SYT1: variants seen among roughly 807,000 people sequenced by gnomAD.
SYT1 encodes synaptotagmin-1.
Under a neutral mutation model 44.8 loss-of-function variants are expected in SYT1, and 8 were observed. The observed-to-expected ratio is 0.18, with a 90% CI of 0.10 to 0.32. SYT1 has a LOEUF of 0.32. Among genes scored for constraint, SYT1 ranks in the 10% least tolerant of loss-of-function variants. The pLI is 1.00. For missense variants in SYT1, 286 were observed against 509.3 expected (o/e 0.56, Z 4.22); for synonymous variants, 154 against 188.8 (o/e 0.82, Z 1.51).
At chr12:79,291,845 TA>T in intron 5 of SYT1, 162 bp from the exon 6 acceptor site, 2 of 932,254 alleles carry the variant, frequency 2.1e-6, no homozygotes, top group Non-Finnish European at 1.7e-6. Flanking sequence ...AAAAGGAATT[TA>T]AAAAATATGT....
chr12:78,931,809 T>A (rs763222599), intron 1 of SYT1, among the ~76,000 whole-genome samples: 5 of 152,154 alleles, frequency 3.3e-5, no homozygotes, highest in Non-Finnish European at 5.9e-5. Context: ...AGTGTGCCTG[T>A]CATGCAGATG....
intron 1 of SYT1, among the ~76,000 whole-genome samples, chr12:78,933,320 T>TA (rs1476130762): frequency 6.6e-6 from 1 of 152,116 alleles, no homozygotes; most frequent in East Asian, 1.9e-4. Flanking sequence ...AAGAAACTCT[T>TA]ACCAGAGGAA....
At chr12:79,053,884 A>G (rs1874730862) in intron 3 of SYT1, among the ~76,000 whole-genome samples, 1 of 151,950 alleles carries the variant, frequency 6.6e-6, no homozygotes, top group South Asian at 2.1e-4. Flanking sequence ...CAGAAAAAAA[A>G]TTCTCTTTTT....
At chr12:79,154,877 C>T (rs1185765150) in intron 3 of SYT1, among the ~76,000 whole-genome samples, 1 of 152,090 alleles carries the variant, frequency 6.6e-6, no homozygotes, top group African/African-American at 2.4e-5. Context: ...AGGCATATTG[C>T]ACCACTTAGA....
intron 9 of SYT1, among the ~76,000 whole-genome samples, chr12:79,420,408 G>A (rs933417502): frequency 1.3e-5 from 2 of 152,026 alleles, no homozygotes; most frequent in African/African-American, 4.8e-5. Context: ...CAGTTTATGG[G>A]TCCCTCCCTT....
chr12:79,089,948 C>T (rs1292350322), intron 3 of SYT1, among the ~76,000 whole-genome samples: 1 of 151,956 alleles, frequency 6.6e-6, no homozygotes, highest in East Asian at 1.9e-4. Flanking sequence ...TTGATTGCTC[C>T]CCATGTGATT....
chr12:78,934,787 G>A (rs936540831), intron 1 of SYT1, among the ~76,000 whole-genome samples: 2 of 152,158 alleles, frequency 1.3e-5, no homozygotes, highest in Admixed American at 6.5e-5. Context: ...TCTAAAGAAT[G>A]TGGCATATAA....
chr12:79,165,406 C>G (rs558100204), intron 3 of SYT1, among the ~76,000 whole-genome samples: 16 of 152,020 alleles, frequency 1.1e-4, no homozygotes, highest in African/African-American at 3.4e-4. Context: ...AGATTTAGAA[C>G]AGTGTTGCAA....
In SYT1 at chr12:78,955,800, TTGTG is replaced by T. The variant is rs60111282; in HGVS notation, c.-216-21964_-216-21961del. ...TGCGTTTTATTTTCTGCCAAGATAT[TTGTG>T]TGTGTGTGTGTGTGTGTGTGTGTGT... On this transcript the variant is annotated intron_variant, in intron 1 of 10. Coordinates refer to ENST00000261205, the MANE Select transcript of SYT1 (RefSeq NM_005639.3). Among the ~76,000 whole-genome samples the T allele has an allele frequency of 8.9e-3, 1,237 of 138,616 alleles. 6 individuals carry two copies. Among genetic ancestry groups the T allele is most frequent in the African/African-American group, 0.016 (590 of 36,916 alleles). The allele number at this position is 138,616 out of a possible 152,430, so 90.9% of individuals were successfully genotyped here. A position where few individuals can be genotyped will look rare whatever the true frequency, so the allele number is the denominator to read the frequency against.
chr12:79,237,418 A>G (rs1025033412), intron 4 of SYT1, among the ~76,000 whole-genome samples: 30 of 152,374 alleles, frequency 2.0e-4, no homozygotes, highest in African/African-American at 7.0e-4. Flanking sequence ...TTCCTAAAAT[A>G]CAAAACTCAT....
intron 4 of SYT1, among the ~76,000 whole-genome samples, chr12:79,264,214 G>C (rs1398845865): frequency 6.8e-6 from 1 of 146,788 alleles, no homozygotes; most frequent in Non-Finnish European, 1.5e-5. Flanking sequence ...GGAGTCTCCT[G>C]TGTCACCCAA....
intron 7 of SYT1, among the ~76,000 whole-genome samples, chr12:79,298,884 G>C (rs1670564519): frequency 6.6e-6 from 1 of 152,088 alleles, no homozygotes; most frequent in African/African-American, 2.4e-5. Flanking sequence ...AATCCTTTCA[G>C]ACTCCTAGCA....
At chr12:78,996,854 G>A (rs140229407) in intron 2 of SYT1, among the ~76,000 whole-genome samples, 1 of 152,146 alleles carries the variant, frequency 6.6e-6, no homozygotes, top group Non-Finnish European at 1.5e-5. Context: ...AACAGAGTTT[G>A]GATTATTCAC....
At chr12:79,437,745 T>C (rs935734600) in intron 9 of SYT1, among the ~76,000 whole-genome samples, 10 of 152,174 alleles carry the variant, frequency 6.6e-5, no homozygotes, top group African/African-American at 2.2e-4. Flanking sequence ...TGCATTCCAG[T>C]GCCAGATTCT....
chr12:79,131,879 G>T (rs544274163), intron 3 of SYT1, among the ~76,000 whole-genome samples: 1 of 152,152 alleles, frequency 6.6e-6, no homozygotes, highest in Non-Finnish European at 1.5e-5. Flanking sequence ...TGGTTAATTC[G>T]AGTAAAGAGA....
At chr12:79,259,470 A>G (rs1877710978) in intron 4 of SYT1, among the ~76,000 whole-genome samples, 1 of 152,236 alleles carries the variant, frequency 6.6e-6, no homozygotes, top group African/African-American at 2.4e-5. Flanking sequence ...GTGGTGGCTC[A>G]TGCCTATAAT....
At chr12:79,240,515 A>C (rs1876441577) in intron 4 of SYT1, among the ~76,000 whole-genome samples, 1 of 152,236 alleles carries the variant, frequency 6.6e-6, no homozygotes, top group African/African-American at 2.4e-5. Flanking sequence ...ACTATTAATT[A>C]TTCTCAGTCT....
intron 9 of SYT1, among the ~76,000 whole-genome samples, chr12:79,373,848 G>A (rs573595409): frequency 2.6e-5 from 4 of 152,104 alleles, no homozygotes; most frequent in Non-Finnish European, 5.9e-5. Context: ...AGAGGTACCA[G>A]CTGGGTCATA....
At chr12:78,872,356 G>T (rs1873865620) in intron 1 of SYT1, among the ~76,000 whole-genome samples, 1 of 151,822 alleles carries the variant, frequency 6.6e-6, no homozygotes, top group Non-Finnish European at 1.5e-5. Flanking sequence ...GGCAAAAGTG[G>T]ATGAGACAAG....
Sources: gnomAD v4.1 joint callset for allele counts (sites outside exome capture counted in the v4.1 genomes callset) on GRCh38, gnomAD v4.1.1 for gene constraint, MANE v1.5 for transcripts, NCBI Gene and HGNC (gene_info 2026-07-23, HGNC 2026-07-21) for gene names.